ZNF662: variants seen among roughly 807,000 people sequenced by gnomAD.
The protein encoded by ZNF662 is zinc finger protein 662.
ZNF662 carries 14 observed loss-of-function variants against 12.4 expected under a neutral mutation model. That is an observed-to-expected ratio of 1.13 (90% confidence interval 0.75 to 1.77). The LOEUF (loss-of-function observed/expected upper bound fraction) is 1.77. Among genes scored for constraint, ZNF662 ranks in the 40% most tolerant of loss-of-function variants. ZNF662 has a pLI of 0.00. For missense variants in ZNF662, 550 were observed against 515.6 expected (o/e 1.07, Z -0.65); for synonymous variants, 184 against 176.4 (o/e 1.04, Z -0.34).
rs2088675556 is a variant in ZNF662, at chr3:42,906,194, G to C, written c.-94+26G>C. On this transcript the variant is annotated intron_variant, in intron 1 of 4. Coordinates refer to ENST00000440367, the MANE Select transcript of ZNF662 (RefSeq NM_207404.4). The surrounding 1 kb of genome is among the most constrained non-coding windows in gnomAD (Gnocchi z 4.4). ...GTGTGGAGCACGGGGAGTCGGGCGT[G>C]GGGCGGGCAGGGAGTGGAGTCGGGG... 1.6e-6 allele frequency: 1 copy of C among 616,338 alleles called. No individual in the cohort carries two copies. Among genetic ancestry groups the C allele is most frequent in the South Asian group, 2.3e-5 (1 of 44,086 alleles). 38.2% of individuals were successfully genotyped at this position (616,338 alleles called of 1,614,324 possible). A position where few individuals can be genotyped will look rare whatever the true frequency, so the allele number is the denominator to read the frequency against.
rs538397416 is a variant in ZNF662 at position 42,915,141 on chromosome 3, G to A, written c.1068G>A (p.Gly356=). ...CTCAGCACCAGAGGGTCCACACTGG[G>A]GACAAGCCTCATGAATGTACTGACT... ...DLSQHQRVHT[G]DKPHECTDCG... The change falls in exon 5 of 5, where the codon GGG becomes GGA. Residue 356 remains glycine (G), a synonymous_variant. Transcript: ENST00000440367. The A allele has an allele frequency of 8.1e-6, 13 of 1,613,934 alleles. No homozygotes were observed. The African/African-American group carries it at 1.2e-4, about 15-fold the overall frequency.
intron 4 of ZNF662, 67 bp from the exon 5 acceptor site, chr3:42,914,260 A>G: frequency 1.4e-6 from 2 of 1,398,878 alleles, no homozygotes; most frequent in Non-Finnish European, 1.9e-6. Flanking sequence ...TATTAATACC[A>G]CTTGGTGACC....
chr3:42,906,214 T>C lies in ZNF662; in HGVS notation c.-94+46T>C, dbSNP rs2088675908. The C allele has an allele frequency of 2.9e-6, 2 of 695,262 alleles. No homozygotes were observed. Among genetic ancestry groups the C allele is most frequent in the Non-Finnish European group, 4.5e-6 (2 of 446,224 alleles). 43.1% of individuals were successfully genotyped at this position (695,262 alleles called of 1,614,324 possible). ...GGCGTGGGGCGGGCAGGGAGTGGAG[T>C]CGGGGTCTTACTCCGGTGGCTGCAG... On this transcript the variant is annotated intron_variant, in intron 1 of 4. Coordinates refer to ENST00000440367, the MANE Select transcript of ZNF662 (RefSeq NM_207404.4). This position sits in a 1 kb window ranked among gnomAD's most constrained non-coding sequence, Gnocchi z 4.4.
chr3:42,908,700 C>T, intron 2 of ZNF662, 93 bp from the exon 3 acceptor site: 1 of 1,468,040 alleles, frequency 6.8e-7, no homozygotes, highest in Admixed American at 2.1e-5. Flanking sequence ...GTTTTTTTCC[C>T]CTCCTACCCC....
chr3:42,918,576 G>A lies in ZNF662; in HGVS notation c.*3222G>A, dbSNP rs1454423299. On this transcript the variant is annotated 3_prime_UTR_variant, in exon 5 of 5. Coordinates refer to ENST00000440367, the MANE Select transcript of ZNF662 (RefSeq NM_207404.4). ...CAATCCCCCTGTGCACAATGACCTG[G>A]GCAGCATTTGGCTGTCTCCTGATTC... 6.6e-6 allele frequency among the ~76,000 whole-genome samples: 1 copy of A among 152,070 alleles called. No individual in the cohort carries two copies. The highest frequency in any genetic ancestry group is 1.5e-5 in the Non-Finnish European group (1 of 68,014).
chr3:42,912,682 A>AAT (rs1244898051), intron 3 of ZNF662, among the ~76,000 whole-genome samples: 3 of 20,068 alleles, frequency 1.5e-4, no homozygotes, highest in African/African-American at 3.3e-4. Flanking sequence ...TATATATATA[A>AAT]ATATATATAT....
chr3:42,910,085 CTCTG>C (rs2088761929), intron 3 of ZNF662, among the ~76,000 whole-genome samples: 1 of 152,206 alleles, frequency 6.6e-6, no homozygotes, highest in African/African-American at 2.4e-5. Flanking sequence ...GTGATCGAGA[CTCTG>C]TCTGCAATCC....
In ZNF662 at chr3:42,908,105, C is replaced by A. The variant is rs1014254482; in HGVS notation, c.-10C>A. On this transcript the variant is annotated 5_prime_UTR_variant, in exon 2 of 5. Coordinates refer to ENST00000440367, the MANE Select transcript of ZNF662 (RefSeq NM_207404.4). ...TGGGCCCTGCTCAGAGAGCCCTGTA[C>A]AGGGATGTGATGCTGGAGAATTATG... is the stretch of plus-strand genomic sequence containing the variant. The A allele has an allele frequency of 2.5e-6, 4 of 1,614,164 alleles. No homozygotes were observed. Among genetic ancestry groups the A allele is most frequent in the Admixed American group, 1.7e-5 (1 of 60,034 alleles).
At chr3:42,907,802 T>G in intron 1 of ZNF662, 1 of 985,344 alleles carries the variant, frequency 1.0e-6, no homozygotes. Context: ...GAGAAAATGT[T>G]TGCTGAAATA....
At chr3:42,908,528 G>A (rs1249424553) in intron 2 of ZNF662, 1 of 1,294,474 alleles carries the variant, frequency 7.7e-7, no homozygotes, top group Non-Finnish European at 9.8e-7. Context: ...GGAGAGGACA[G>A]GTAAGAATTG....
intron 3 of ZNF662, among the ~76,000 whole-genome samples, chr3:42,912,905 A>G (rs2088847780): frequency 1.3e-5 from 2 of 148,642 alleles, no homozygotes; most frequent in African/African-American, 5.0e-5. Flanking sequence ...ATGCTTGGCT[A>G]ATTTTTTTTG....
In ZNF662 at chr3:42,916,068, G is replaced by T. The variant is rs1311527563; in HGVS notation, c.*714G>T. On this transcript the variant is annotated 3_prime_UTR_variant, in exon 5 of 5. Coordinates refer to ENST00000440367, the MANE Select transcript of ZNF662 (RefSeq NM_207404.4). The stretch of plus-strand genomic sequence containing the variant: ...GATATAACATGCTCATGATAAAAAA[G>T]AATTGAAATAGTTGAAAAGGGTGTT... 4 of 152,058 alleles carry T rather than the reference G, an allele frequency of 2.6e-5. No individual in the cohort carries two copies. The highest frequency in any genetic ancestry group is 1.3e-4 in the Admixed American group (2 of 15,270). The allele number at this position is 152,058 out of a possible 1,614,324, so 9.4% of individuals were successfully genotyped here. A position where few individuals can be genotyped will look rare whatever the true frequency, so the allele number is the denominator to read the frequency against.
Position 42,915,063 on chromosome 3 carries a change from G to A in ZNF662, c.990G>A (p.Lys330=). ...LRHQRMHTGE[K]PYECKDCGKG... ...ATCAGAGAATGCACACTGGGGAGAA[G>A]CCTTACGAATGTAAGGACTGTGGGA... is the stretch of plus-strand genomic sequence containing the variant. The change falls in exon 5 of 5, where the codon AAG becomes AAA. Residue 330 remains lysine, a synonymous_variant. Transcript: ENST00000440367. 1 of 1,614,016 alleles carries A rather than the reference G, an allele frequency of 6.2e-7. No individual in the cohort carries two copies. The highest frequency in any genetic ancestry group is 8.5e-7 in the Non-Finnish European group (1 of 1,180,010).
At position 42,908,886 on chromosome 3, in the gene ZNF662, AG is replaced by A; in HGVS notation, c.130del (p.Ala44ProfsTer12). On this transcript the variant is annotated frameshift_variant, in exon 3 of 5. Coordinates refer to ENST00000440367, the MANE Select transcript of ZNF662 (RefSeq NM_207404.4). LOFTEE classifies it high-confidence loss of function. ...GTTCCTCGGGGAGCTCTGGATGGAG[AG>A]GCCCCAAGGGGCATCTCCTCAGGTG... is the stretch of plus-strand genomic sequence containing the variant. ...CSVPRGALDG[E>X]APRGISSGYP... 6.2e-7 allele frequency: 1 copy of A among 1,613,946 alleles called. No homozygotes were observed. The highest frequency in any genetic ancestry group is 8.5e-7 in the Non-Finnish European group (1 of 1,179,906).
At position 42,912,720 on chromosome 3, in the gene ZNF662, A is replaced by ATTTTTTATATATATAAATATATATATTT. The variant is rs1575413619; in HGVS notation, c.152-455_152-454insTTTTTTTTATATATATAAATATATATAT. Among the ~76,000 whole-genome samples the ATTTTTTATATATATAAATATATATATTT allele has an allele frequency of 6.1e-3, 402 of 66,406 alleles. 24 individuals carry two copies. The highest frequency in any genetic ancestry group is 0.021 in the African/African-American group (354 of 17,198). 43.6% of individuals were successfully genotyped at this position (66,406 alleles called of 152,430 possible). A position where few individuals can be genotyped will look rare whatever the true frequency, so the allele number is the denominator to read the frequency against. On this transcript the variant is annotated intron_variant, in intron 3 of 4. Coordinates refer to ENST00000440367, the MANE Select transcript of ZNF662 (RefSeq NM_207404.4). ...TTTATATATATAAATATATATATATATTTTTTATATATATAAATATATATA... is the reference window on the plus strand; with the variant it reads ...TTTATATATATAAATATATATATATATTTTTTATATATATAAATATATATATTTTTTTTTATATATATAAATATATATA...
chr3:42,917,350 T>C lies in ZNF662; in HGVS notation c.*1996T>C. ...TCTTCTGGAAAAGAGAGGCTTTTCT[T>C]CATCGAGAGCTACCAGAGGAGATAT... is the stretch of plus-strand genomic sequence containing the variant. On this transcript the variant is annotated 3_prime_UTR_variant, in exon 5 of 5. Coordinates refer to ENST00000440367, the MANE Select transcript of ZNF662 (RefSeq NM_207404.4). 1 of 601,494 alleles carries C rather than the reference T, an allele frequency of 1.7e-6. No individual in the cohort carries two copies. Among genetic ancestry groups the C allele is most frequent in the Non-Finnish European group, 2.9e-6 (1 of 341,556 alleles). 37.3% of individuals were successfully genotyped at this position (601,494 alleles called of 1,614,324 possible).
chr3:42,909,425 C>G (rs972042291), intron 3 of ZNF662, among the ~76,000 whole-genome samples: 10 of 152,156 alleles, frequency 6.6e-5, no homozygotes, highest in Admixed American at 5.2e-4. Flanking sequence ...AAGAATTTTT[C>G]TTAGTACAGA....
chr3:42,909,653 C>T (rs2088746045), intron 3 of ZNF662, among the ~76,000 whole-genome samples: 1 of 150,626 alleles, frequency 6.6e-6, no homozygotes, highest in South Asian at 2.1e-4. Flanking sequence ...GGCAGAGGTG[C>T]CCCCCCACCT....
At chr3:42,908,697 T>TC (rs1273579959) in intron 2 of ZNF662, 96 bp from the exon 3 acceptor site, 1 of 1,473,534 alleles carries the variant, frequency 6.8e-7, no homozygotes, top group Non-Finnish European at 9.1e-7. Context: ...TCCGTTTTTT[T>TC]CCCCTCCTAC....
Sources: gnomAD v4.1 joint callset for allele counts (sites outside exome capture counted in the v4.1 genomes callset) on GRCh38, gnomAD v4.1.1 for gene constraint, Gnocchi (gnomAD v3.1) non-coding constraint, MANE v1.5 for transcripts, NCBI Gene and HGNC (gene_info 2026-07-23, HGNC 2026-07-21) for gene names.